Variants in SAMD12 observed in about 807,000 individuals in gnomAD.
The protein encoded by SAMD12 is sterile alpha motif domain containing 12.
A neutral mutation model predicts 15.0 loss-of-function variants in SAMD12; 9 were observed. The observed-to-expected ratio is 0.60, with a 90% confidence interval of 0.36 to 1.05. SAMD12 has a LOEUF of 1.05. Among genes scored for constraint, SAMD12 ranks in the 50% least tolerant of loss-of-function variants. SAMD12 has a pLI of 0.01. For missense variants in SAMD12, 230 were observed against 234.2 expected, an observed-to-expected ratio of 0.98 and a Z score of 0.12; for synonymous variants, 86 against 90.1, an observed-to-expected ratio of 0.96 and a Z score of 0.25.
chr8:118,456,992 C>T (rs887867541), intron 2 of SAMD12, among the ~76,000 whole-genome samples: 1 of 152,182 alleles, frequency 6.6e-6, no homozygotes. Flanking sequence ...CTTAATTTCT[C>T]TAAGCCTCTG....
intron 1 of SAMD12, among the ~76,000 whole-genome samples, chr8:118,583,941 T>C (rs1185697164): frequency 6.6e-6 from 1 of 152,158 alleles, no homozygotes; most frequent in Non-Finnish European, 1.5e-5. Flanking sequence ...CATTCCTGAG[T>C]CCAGGACCTG....
chr8:118,396,226 G>T (rs1820558450), intron 3 of SAMD12, among the ~76,000 whole-genome samples: 1 of 152,112 alleles, frequency 6.6e-6, no homozygotes, highest in South Asian at 2.1e-4. Context: ...ATGCCACTGA[G>T]TCAGTTTCCT....
chr8:118,303,694 C>T (rs1181025017), intron 4 of SAMD12, among the ~76,000 whole-genome samples: 1 of 151,950 alleles, frequency 6.6e-6, no homozygotes, highest in Admixed American at 6.6e-5. Flanking sequence ...CTAATGGAGC[C>T]TGAAATTAAC....
At chr8:118,134,402 G>T in the SAMD12 span, among the ~76,000 whole-genome samples, 1 of 152,170 alleles carries the variant, frequency 6.6e-6, no homozygotes, top group Non-Finnish European at 1.5e-5. Flanking sequence ...ATTCAATAGG[G>T]GATTTGAGAC....
chr8:118,282,121 T>A (rs1813677905), intron 4 of SAMD12: 5 of 356,106 alleles, frequency 1.4e-5, no homozygotes, highest in Middle Eastern at 1.5e-3. Context: ...TCAGGTCCTT[T>A]CACTTCCATT....
chr8:118,253,740 T>C (rs1270741724), intron 4 of SAMD12, among the ~76,000 whole-genome samples: 1 of 152,156 alleles, frequency 6.6e-6, no homozygotes. Flanking sequence ...TTAACCAAGG[T>C]CAGGTCCCAG....
At chr8:118,456,835 G>GT in intron 2 of SAMD12, among the ~76,000 whole-genome samples, 1 of 152,202 alleles carries the variant, frequency 6.6e-6, no homozygotes, top group Non-Finnish European at 1.5e-5. Context: ...TTATTCACAA[G>GT]TGTGAGCTAA....
intron 2 of SAMD12, among the ~76,000 whole-genome samples, chr8:118,524,742 C>A (rs1162925643): frequency 6.6e-6 from 1 of 152,156 alleles, no homozygotes. Context: ...TCCAATTGCT[C>A]AGGCCAAAAC....
At chr8:118,476,892 G>A (rs1823975405) in intron 2 of SAMD12, among the ~76,000 whole-genome samples, 1 of 152,054 alleles carries the variant, frequency 6.6e-6, no homozygotes, top group South Asian at 2.1e-4. Flanking sequence ...AATGCCCACT[G>A]TCTCTTCCCA....
At chr8:118,234,203 A>C (rs1349799129) in intron 4 of SAMD12, among the ~76,000 whole-genome samples, 1 of 152,014 alleles carries the variant, frequency 6.6e-6, no homozygotes, top group East Asian at 1.9e-4. Context: ...AAAAAGATTA[A>C]AACACTCTTT....
chr8:118,204,648 G>C (rs1256538144), intron 4 of SAMD12, among the ~76,000 whole-genome samples: 1 of 152,154 alleles, frequency 6.6e-6, no homozygotes, highest in Non-Finnish European at 1.5e-5. Context: ...CAGCTATGCA[G>C]GAGGCTGAGG....
chr8:118,415,448 G>GGTGTGTGTGTGTGTGTGTGTGTGTGT, intron 3 of SAMD12, among the ~76,000 whole-genome samples: 1 of 142,858 alleles, frequency 7.0e-6, no homozygotes, highest in South Asian at 2.4e-4. Flanking sequence ...CTTGTCCTAA[G>GGTGTGTGTGTGTGTGTGTGTGTGTGT]GTGTGTGTGT....
intron 1 of SAMD12, among the ~76,000 whole-genome samples, chr8:118,604,644 G>C (rs971752723): frequency 1.3e-5 from 2 of 152,202 alleles, no homozygotes; most frequent in East Asian, 3.8e-4. Context: ...AATGTCTGCC[G>C]GGCGCGGTGG....
intron 2 of SAMD12, among the ~76,000 whole-genome samples, chr8:118,553,495 C>A (rs1291889205): frequency 6.6e-6 from 1 of 152,160 alleles, no homozygotes. Flanking sequence ...AAAGCTGAAA[C>A]TGGATCCCTT....
At chr8:118,256,023 C>T (rs917334588) in intron 4 of SAMD12, among the ~76,000 whole-genome samples, 4 of 152,116 alleles carry the variant, frequency 2.6e-5, no homozygotes, top group Admixed American at 2.6e-4. Flanking sequence ...CCTGTTGTTT[C>T]CTGACTTTTT....
intron 2 of SAMD12, among the ~76,000 whole-genome samples, chr8:118,469,240 C>T (rs1342472717): frequency 6.6e-6 from 1 of 151,358 alleles, no homozygotes; most frequent in African/African-American, 2.4e-5. Context: ...GGACAAAATG[C>T]TGCAGAGTGG....
chr8:118,211,683 C>CT (rs139345750), intron 4 of SAMD12, among the ~76,000 whole-genome samples: 5,744 of 150,042 alleles, frequency 0.038, 125 homozygotes, highest in Non-Finnish European at 0.048. Context: ...TACAAGTAAG[C>CT]TTTTTTTTTT....
chr8:118,385,543 C>A (rs1465280761), intron 3 of SAMD12, among the ~76,000 whole-genome samples: 3 of 152,148 alleles, frequency 2.0e-5, no homozygotes, highest in Non-Finnish European at 2.9e-5. Flanking sequence ...TATAATAAAT[C>A]TCTCTCTGTA....
chr8:118,621,701 C>G, intron 1 of SAMD12, 103 bp downstream of exon 1: 1 of 1,349,010 alleles, frequency 7.4e-7, no homozygotes, highest in South Asian at 1.2e-5. Flanking sequence ...TCTCCGCCAC[C>G]CCCTTTCCTC....
Sources: gnomAD v4.1 joint callset for allele counts (sites outside exome capture counted in the v4.1 genomes callset) on GRCh38, gnomAD v4.1.1 for gene constraint, MANE v1.5 for transcripts, NCBI Gene and HGNC (gene_info 2026-07-23, HGNC 2026-07-21) for gene names.